Variants in SAMD12 observed in about 807,000 individuals in gnomAD.
The protein encoded by SAMD12 is sterile alpha motif domain containing 12.
In SAMD12, 9 loss-of-function variants were observed where a neutral mutation model predicts 15.0. The ratio of observed to expected loss-of-function variants is 0.60; its 90% CI spans 0.36 to 1.05. SAMD12 has a LOEUF of 1.05. Ranked by LOEUF, SAMD12 falls within the 50% of genes least tolerant of loss-of-function variation. The pLI, the probability that SAMD12 is intolerant of heterozygous loss-of-function variation, is 0.01. For missense variants in SAMD12, 230 were observed against 234.2 expected (o/e 0.98, Z 0.12); for synonymous variants, 86 against 90.1 (o/e 0.96, Z 0.25).
At chr8:118,525,547 T>C (rs1380422601) in intron 2 of SAMD12, among the ~76,000 whole-genome samples, 1 of 152,196 alleles carries the variant, frequency 6.6e-6, no homozygotes, top group East Asian at 1.9e-4. Flanking sequence ...AAGGAAAGAA[T>C]GGCCCAAAAG....
intron 4 of SAMD12, among the ~76,000 whole-genome samples, chr8:118,339,701 T>C (rs1817254712): frequency 6.6e-6 from 1 of 152,232 alleles, no homozygotes; most frequent in Admixed American, 6.5e-5. Flanking sequence ...ATTTTGTCTC[T>C]GTTCCTGCAG....
At chr8:118,486,372 C>T (rs1046069709) in intron 2 of SAMD12, among the ~76,000 whole-genome samples, 4 of 151,174 alleles carry the variant, frequency 2.6e-5, no homozygotes, top group East Asian at 1.9e-4. Flanking sequence ...GCCGAGATTG[C>T]GCCACTGCAC....
At chr8:118,488,899 G>A (rs1033280647) in intron 2 of SAMD12, among the ~76,000 whole-genome samples, 5 of 152,172 alleles carry the variant, frequency 3.3e-5, no homozygotes, top group African/African-American at 1.2e-4. Flanking sequence ...CATAAGTTAA[G>A]TGTTTAACTG....
At chr8:118,438,249 T>C (rs555030608) in intron 3 of SAMD12, among the ~76,000 whole-genome samples, 1 of 152,266 alleles carries the variant, frequency 6.6e-6, no homozygotes, top group Non-Finnish European at 1.5e-5. Context: ...TAAAGGACCA[T>C]TTTTATATTT....
intron 4 of SAMD12, among the ~76,000 whole-genome samples, chr8:118,318,630 A>T (rs1816069371): frequency 6.6e-6 from 1 of 151,914 alleles, no homozygotes; most frequent in African/African-American, 2.4e-5. Context: ...TACTTGGGTG[A>T]TGGGTGCATT....
chr8:118,498,269 C>T (rs894855365), intron 2 of SAMD12, among the ~76,000 whole-genome samples: 11 of 152,102 alleles, frequency 7.2e-5, no homozygotes, highest in Admixed American at 6.6e-4. Context: ...GTTTATACAA[C>T]GAGATGCTGT....
At chr8:118,133,529 G>A in the SAMD12 span, among the ~76,000 whole-genome samples, 2 of 152,036 alleles carry the variant, frequency 1.3e-5, no homozygotes, top group African/African-American at 4.8e-5. Context: ...ATCCCGAGAT[G>A]GAGGCAACAC....
chr8:118,516,966 T>C (rs1825261395), intron 2 of SAMD12, among the ~76,000 whole-genome samples: 1 of 152,216 alleles, frequency 6.6e-6, no homozygotes. Flanking sequence ...GACAAATCTA[T>C]TGATTTTCTA....
At chr8:118,261,500 A>C (rs937180141) in intron 4 of SAMD12, among the ~76,000 whole-genome samples, 1 of 152,156 alleles carries the variant, frequency 6.6e-6, no homozygotes, top group Non-Finnish European at 1.5e-5. Context: ...TGAATATGAC[A>C]CATTAAATGA....
intron 4 of SAMD12, among the ~76,000 whole-genome samples, chr8:118,247,604 T>G (rs1368399251): frequency 6.6e-6 from 1 of 151,894 alleles, no homozygotes; most frequent in Non-Finnish European, 1.5e-5. Flanking sequence ...TTTATTTTTA[T>G]TTTTTTGAGA....
At chr8:118,333,040 T>G (rs577550126) in intron 4 of SAMD12, among the ~76,000 whole-genome samples, 1 of 152,320 alleles carries the variant, frequency 6.6e-6, no homozygotes, top group Admixed American at 6.5e-5. Flanking sequence ...GTATTTGCCT[T>G]CCAGCATTAG....
the SAMD12 span, among the ~76,000 whole-genome samples, chr8:118,162,266 G>C: frequency 2.1e-5 from 3 of 146,238 alleles, no homozygotes; most frequent in South Asian, 7.0e-4. Flanking sequence ...TTGCTATCTC[G>C]TGTGCCTTAT....
intron 1 of SAMD12, among the ~76,000 whole-genome samples, chr8:118,588,730 A>C (rs1827509667): frequency 6.6e-6 from 1 of 152,146 alleles, no homozygotes; most frequent in Non-Finnish European, 1.5e-5. Context: ...GGGCACTGGG[A>C]CCTGATAACC....
rs150596510 is a variant in SAMD12, at chr8:118,289,857, G to T, written c.433+89703C>A. Among the ~76,000 whole-genome samples the T allele has an allele frequency of 1.5e-3, 235 of 152,246 alleles. 1 individual carries two copies. The highest frequency in any genetic ancestry group is 4.7e-3 in the African/African-American group (194 of 41,532). On this transcript the variant is annotated intron_variant, in intron 4 of 4. Coordinates refer to the SAMD12 transcript ENST00000409003. ...TTTGAGTTACCTGCCAGCTTCTTTT[G>T]AGATACAGAGAGTAAAGACTTGGGT... is the stretch of plus-strand genomic sequence containing the variant.
Position 118,605,117 on chromosome 8 carries a change from G to A in SAMD12, c.13+16687C>T, listed in dbSNP as rs576344533. ...CCCTCATTTGGTCCAACACAGATAC[G>A]CCTTTCACTAGAAAAGCTAAGTGTT... On this transcript the variant is annotated intron_variant, in intron 1 of 3. Coordinates refer to ENST00000314727, the MANE Select transcript of SAMD12 (RefSeq NM_207506.3). Among the ~76,000 whole-genome samples, 21 of 152,152 alleles carry A rather than the reference G, an allele frequency of 1.4e-4. No individual in the cohort carries two copies. In the South Asian group the frequency reaches 3.5e-3, roughly 26 times the overall value.
At chr8:118,168,703 T>C in the SAMD12 span, among the ~76,000 whole-genome samples, 11 of 152,140 alleles carry the variant, frequency 7.2e-5, no homozygotes, top group East Asian at 1.4e-3. Context: ...CTAACCTAAG[T>C]AATAAGCTTA....
chr8:118,543,072 T>G (rs1826029442), intron 2 of SAMD12, among the ~76,000 whole-genome samples: 1 of 152,010 alleles, frequency 6.6e-6, no homozygotes, highest in South Asian at 2.1e-4. Context: ...TTAAAAACAC[T>G]AAAAATGAAG....
intron 4 of SAMD12, among the ~76,000 whole-genome samples, chr8:118,207,513 T>C (rs1048711628): frequency 6.6e-6 from 1 of 152,186 alleles, no homozygotes; most frequent in South Asian, 2.1e-4. Flanking sequence ...CCTTGAAGTA[T>C]AATCTAAGAT....
chr8:118,478,924 C>T (rs1364641498), intron 2 of SAMD12, among the ~76,000 whole-genome samples: 1 of 152,220 alleles, frequency 6.6e-6, no homozygotes, highest in Non-Finnish European at 1.5e-5. Context: ...AGGCCAGTGT[C>T]AGAAAATTTC....
Sources: gnomAD v4.1 joint callset for allele counts (sites outside exome capture counted in the v4.1 genomes callset) on GRCh38, gnomAD v4.1.1 for gene constraint, MANE v1.5 for transcripts, NCBI Gene and HGNC (gene_info 2026-07-23, HGNC 2026-07-21) for gene names.